The following PWP1 variants were observed in gnomAD, a reference collection of about 807,000 sequenced individuals.
PWP1 encodes periodic tryptophan protein 1 homolog.
PWP1 carries 47 observed loss-of-function variants against 69.9 expected under a neutral mutation model. That is an observed-to-expected ratio of 0.67 (90% confidence interval 0.53 to 0.86). PWP1 has a LOEUF of 0.86. Among genes scored for constraint, PWP1 ranks in the 40% least tolerant of loss-of-function variants. The pLI is 0.00. For missense variants in PWP1, 551 were observed against 608.8 expected, an observed-to-expected ratio of 0.91 and a Z score of 1.00; for synonymous variants, 222 against 208.2, an observed-to-expected ratio of 1.07 and a Z score of -0.57.
chr12:107,700,131 T>A (rs1889677596), intron 8 of PWP1, among the ~76,000 whole-genome samples: 2 of 152,200 alleles, frequency 1.3e-5, no homozygotes, highest in Non-Finnish European at 2.9e-5. Context: ...TTCCACCTGG[T>A]CCTTCCCACA....
Position 107,703,741 on chromosome 12 carries a change from T to A in PWP1, c.960T>A (p.Tyr320Ter), listed in dbSNP as rs768487642. The stretch of plus-strand genomic sequence containing the variant: ...CACAGACTCTGATTTCTGGCTCATA[T>A]GATAAGTAAGAAAGCACAGCAAGAA... ...FEAQTLISGS[Y>*]DKSVALYDCR... Residue 320 changes from tyrosine (Y) to a stop codon, truncating the protein, a stop_gained, in exon 10 of 15, where the codon TAT becomes TAA. Coordinates refer to ENST00000412830, the MANE Select transcript of PWP1 (RefSeq NM_007062.3). LOFTEE classifies it high-confidence loss of function. The A allele has an allele frequency of 5.6e-6, 9 of 1,597,090 alleles. No homozygotes were observed. The highest frequency in any genetic ancestry group is 6.0e-6 in the Non-Finnish European group (7 of 1,164,600).
intron 11 of PWP1, among the ~76,000 whole-genome samples, chr12:107,705,364 GAGAA>G (rs903638736): frequency 4.0e-5 from 6 of 151,508 alleles, no homozygotes; most frequent in South Asian, 2.1e-4. Context: ...TTGCAAAGGT[GAGAA>G]AGAGTTTTTT....
chr12:107,685,814 A>C lies in PWP1; in HGVS notation c.-86A>C. On this transcript the variant is annotated 5_prime_UTR_variant, in exon 1 of 15. Coordinates refer to ENST00000412830, the MANE Select transcript of PWP1 (RefSeq NM_007062.3). ...CTGCCCTGGCAGCGGCCCTGTGCAG[A>C]TCCCTGAGCGTGTGGCAGCAGTGCG... 3 of 1,461,592 alleles carry C rather than the reference A, an allele frequency of 2.1e-6. No homozygotes were observed. The South Asian group carries it at 3.4e-5, about 17-fold the overall frequency. The allele number at this position is 1,461,592 out of a possible 1,614,324, so 90.5% of individuals were successfully genotyped here. A position where few individuals can be genotyped will look rare whatever the true frequency, so the allele number is the denominator to read the frequency against.
chr12:107,704,340 T>G (rs1490077300), intron 10 of PWP1, among the ~76,000 whole-genome samples: 1 of 152,150 alleles, frequency 6.6e-6, no homozygotes, highest in Non-Finnish European at 1.5e-5. Context: ...AAGGGGAAAT[T>G]AGAAATTGTC....
At chr12:107,709,737 TAA>T (rs1316913675) in intron 13 of PWP1, among the ~76,000 whole-genome samples, 1 of 152,092 alleles carries the variant, frequency 6.6e-6, no homozygotes, top group African/African-American at 2.4e-5. Flanking sequence ...CTGAGTTATA[TAA>T]GTTAGACTGC....
At position 107,692,863 on chromosome 12, in the gene PWP1, T is replaced by C; in HGVS notation, c.369T>C (p.Ser123=). 1 of 1,614,026 alleles carries C rather than the reference T, an allele frequency of 6.2e-7. No individual in the cohort carries two copies. The highest frequency in any genetic ancestry group is 8.5e-7 in the Non-Finnish European group (1 of 1,179,960). Residue 123 remains serine, a synonymous_variant, in exon 4 of 15, where the codon AGT becomes AGC. Coordinates refer to ENST00000412830, the MANE Select transcript of PWP1 (RefSeq NM_007062.3). ...TCTTGGGTCTTACGGTCTACGGGAG[T>C]AATGATCAAGATCCTTACGTTACTC... ...ESLLGLTVYG[S]NDQDPYVTLK...
intron 1 of PWP1, 35 bp downstream of exon 1, chr12:107,686,006 C>T (rs1262511435): frequency 6.2e-7 from 1 of 1,608,786 alleles, no homozygotes; most frequent in Non-Finnish European, 8.5e-7. Flanking sequence ...AGGGGAGCAG[C>T]GTCTTTACGG....
At chr12:107,691,136 G>A (rs1007236685) in intron 3 of PWP1, among the ~76,000 whole-genome samples, 10 of 152,262 alleles carry the variant, frequency 6.6e-5, no homozygotes, top group African/African-American at 2.4e-4. Flanking sequence ...AGCCAAGTAA[G>A]AGGAAGATTC....
chr12:107,709,042 T>C lies in PWP1; in HGVS notation c.1168+26T>C, dbSNP rs1407412483. The stretch of plus-strand genomic sequence containing the variant: ...GTGAGCAAGAGTAATGCTTCTTTCA[T>C]TTTTCTTAACTTATGATGAAGTAAA... On this transcript the variant is annotated intron_variant, in intron 12 of 14. Transcript: ENST00000412830. 2.5e-6 allele frequency: 4 copies of C among 1,613,456 alleles called. No homozygotes were observed. The African/African-American group carries it at 4.0e-5, about 16-fold the overall frequency.
intron 6 of PWP1, among the ~76,000 whole-genome samples, chr12:107,697,156 G>C (rs185246179): frequency 1.3e-5 from 2 of 152,194 alleles, no homozygotes; most frequent in Non-Finnish European, 2.9e-5. Flanking sequence ...AAGGAGGACG[G>C]GAGGAGGGTT....
rs765929466 is a variant in PWP1, at chr12:107,712,541, C to T, written c.*321C>T. On this transcript the variant is annotated 3_prime_UTR_variant, in exon 15 of 15. Coordinates refer to ENST00000412830, the MANE Select transcript of PWP1 (RefSeq NM_007062.3). The stretch of plus-strand genomic sequence containing the variant: ...GTAGTAATTTATAGAATTTTTAAAG[C>T]GTAAAATCCGGTAATATTAAAAGAT... The T allele has an allele frequency of 3.3e-5, 6 of 179,132 alleles. No homozygotes were observed. The highest frequency in any genetic ancestry group is 2.8e-4 in the East Asian group (2 of 7,080). The allele number at this position is 179,132 out of a possible 1,614,324, so 11.1% of individuals were successfully genotyped here. A position where few individuals can be genotyped will look rare whatever the true frequency, so the allele number is the denominator to read the frequency against.
At chr12:107,700,296 A>G (rs1277072359) in intron 8 of PWP1, among the ~76,000 whole-genome samples, 1 of 152,144 alleles carries the variant, frequency 6.6e-6, no homozygotes, top group Non-Finnish European at 1.5e-5. Context: ...GCATCTCCAG[A>G]ACATTTTCAT....
intron 8 of PWP1, 59 bp downstream of exon 8, chr12:107,699,493 C>T (rs1383331395): frequency 5.8e-5 from 75 of 1,297,924 alleles, no homozygotes; most frequent in Admixed American, 1.1e-4. Context: ...GATCTTACCT[C>T]ATGCCTACAC....
At position 107,686,854 on chromosome 12, in the gene PWP1, T is replaced by C. The variant is rs1019156238; in HGVS notation, c.72+883T>C. Reference sequence around the variant, plus strand: ...GGTGGTGGATGCCTGTAGTCCCAGCTACTCGGGAGGCTGAGGCAGGAGAAT... The same window carrying C: ...GGTGGTGGATGCCTGTAGTCCCAGCCACTCGGGAGGCTGAGGCAGGAGAAT... On this transcript the variant is annotated intron_variant, in intron 1 of 14. Coordinates refer to ENST00000412830, the MANE Select transcript of PWP1 (RefSeq NM_007062.3). 3.3e-5 allele frequency among the ~76,000 whole-genome samples: 5 copies of C among 151,600 alleles called. No individual in the cohort carries two copies. The East Asian group carries it at 5.8e-4, about 18-fold the overall frequency.
chr12:107,691,964 A>G (rs532281135), intron 3 of PWP1, among the ~76,000 whole-genome samples: 1 of 152,224 alleles, frequency 6.6e-6, no homozygotes, highest in Admixed American at 6.5e-5. Flanking sequence ...CATTCTTTTC[A>G]CTGCATCTTT....
Position 107,688,726 on chromosome 12 carries a change from A to G in PWP1, c.243A>G (p.Pro81=), listed in dbSNP as rs1391686101. The change falls in exon 3 of 15, where the codon CCA becomes CCG. Residue 81 remains proline, a synonymous_variant. Coordinates refer to ENST00000412830, the MANE Select transcript of PWP1 (RefSeq NM_007062.3). ...GAGAGCCCCTGGAGGATGGTGACCC[A>G]GAGGATGACAGGACGCTTGATGATG... is the stretch of plus-strand genomic sequence containing the variant. The part of the protein sequence containing the change: ...RPREPLEDGD[P]EDDRTLDDDE... 4 of 1,614,150 alleles carry G rather than the reference A, an allele frequency of 2.5e-6. No individual in the cohort carries two copies. The highest frequency in any genetic ancestry group is 3.4e-6 in the Non-Finnish European group (4 of 1,180,058).
intron 13 of PWP1, 139 bp downstream of exon 13, chr12:107,709,371 T>A: frequency 8.7e-7 from 1 of 1,145,784 alleles, no homozygotes; most frequent in Non-Finnish European, 1.2e-6. Context: ...AATTTTGAGT[T>A]TAGTCAAATT....
intron 11 of PWP1, among the ~76,000 whole-genome samples, chr12:107,707,956 C>G (rs1408382570): frequency 6.6e-6 from 1 of 151,912 alleles, no homozygotes; most frequent in African/African-American, 2.4e-5. Context: ...AAACAGCTTT[C>G]TCAAAAGATG....
intron 11 of PWP1, among the ~76,000 whole-genome samples, chr12:107,707,154 T>C (rs1889839932): frequency 6.6e-6 from 1 of 152,112 alleles, no homozygotes; most frequent in Non-Finnish European, 1.5e-5. Context: ...TTTATTCTCT[T>C]TGAAGCAATT....
Sources: gnomAD v4.1 joint callset for allele counts (sites outside exome capture counted in the v4.1 genomes callset) on GRCh38, gnomAD v4.1.1 for gene constraint, MANE v1.5 for transcripts, NCBI Gene and HGNC (gene_info 2026-07-23, HGNC 2026-07-21) for gene names.